Variants in CAMTA1 observed in about 807,000 individuals in gnomAD.
CAMTA1 encodes the protein calmodulin-binding transcription activator 1.
Under a neutral mutation model 170.9 loss-of-function variants are expected in CAMTA1, and 27 were observed. The observed-to-expected ratio is 0.16, with a 90% CI of 0.12 to 0.22. CAMTA1 has a LOEUF of 0.22. CAMTA1 is among the 10% of genes least tolerant of loss of function. The probability of loss-of-function intolerance (pLI) is 1.00; values close to 1 mark genes in which losing one functional copy is unlikely to be tolerated. For synonymous variants in CAMTA1, 833 were observed against 891.5 expected, an observed-to-expected ratio of 0.93 and a Z score of 1.17; for missense variants, 1,619 against 2,217.2, an observed-to-expected ratio of 0.73 and a Z score of 5.42.
At chr1:6,932,898 C>T (rs1183685258) in intron 3 of CAMTA1, among the ~76,000 whole-genome samples, 1 of 152,082 alleles carries the variant, frequency 6.6e-6, no homozygotes, top group Non-Finnish European at 1.5e-5. Flanking sequence ...AGTTCTTTAT[C>T]AGATATATGC....
At chr1:7,179,951 G>C (rs865821621) in intron 4 of CAMTA1, among the ~76,000 whole-genome samples, 8 of 152,120 alleles carry the variant, frequency 5.3e-5, no homozygotes, top group Non-Finnish European at 1.5e-5. Context: ...CTAAATATGG[G>C]TTTTTAAAAC....
chr1:7,318,121 G>A (rs1415030019), intron 5 of CAMTA1, among the ~76,000 whole-genome samples: 1 of 152,228 alleles, frequency 6.6e-6, no homozygotes, highest in African/African-American at 2.4e-5. Context: ...TGCAGAAGCA[G>A]GGAGGCCCCA....
intron 11 of CAMTA1, among the ~76,000 whole-genome samples, chr1:7,690,232 C>T (rs1298593983): frequency 1.3e-5 from 2 of 152,210 alleles, no homozygotes; most frequent in African/African-American, 2.4e-5. Flanking sequence ...GTTTCTTTGG[C>T]GAGGTCAAGT....
chr1:7,006,738 A>G (rs1003510064), intron 3 of CAMTA1, among the ~76,000 whole-genome samples: 1 of 151,968 alleles, frequency 6.6e-6, no homozygotes, highest in Admixed American at 6.5e-5. Flanking sequence ...GCTCACCCCA[A>G]CCCAGAGCCT....
At chr1:7,184,442 T>G (rs561193890) in intron 4 of CAMTA1, among the ~76,000 whole-genome samples, 2 of 152,286 alleles carry the variant, frequency 1.3e-5, no homozygotes, top group Non-Finnish European at 2.9e-5. Flanking sequence ...GATGTGATTT[T>G]TACACATTGC....
intron 3 of CAMTA1, among the ~76,000 whole-genome samples, chr1:6,834,018 C>G (rs796912523): frequency 2.1e-4 from 32 of 152,226 alleles, no homozygotes; most frequent in African/African-American, 6.0e-4. Context: ...CTTGGCCTCT[C>G]TTGGGTCTTA....
chr1:6,812,936 A>G (rs766050483), intron 1 of CAMTA1, among the ~76,000 whole-genome samples: 2 of 152,128 alleles, frequency 1.3e-5, no homozygotes, highest in Non-Finnish European at 2.9e-5. Flanking sequence ...AGAGCCTAAA[A>G]TGGTTTGTGC....
At chr1:7,583,342 A>G (rs2095278284) in intron 6 of CAMTA1, among the ~76,000 whole-genome samples, 1 of 152,100 alleles carries the variant, frequency 6.6e-6, no homozygotes, top group African/African-American at 2.4e-5. Context: ...GATGGGAAGT[A>G]AGGCAGCCTG....
rs1268433510 is a variant in CAMTA1, at chr1:7,547,399, C to T, written c.510+79498C>T. Among the ~76,000 whole-genome samples the T allele has an allele frequency of 1.3e-5, 2 of 150,736 alleles. No individual in the cohort carries two copies. Among genetic ancestry groups the T allele is most frequent in the South Asian group, 2.1e-4 (1 of 4,770 alleles). On this transcript the variant is annotated intron_variant, in intron 6 of 22. Coordinates refer to ENST00000303635, the MANE Select transcript of CAMTA1 (RefSeq NM_015215.4). This position sits in a 1 kb window ranked among gnomAD's most constrained non-coding sequence, Gnocchi z 5.7. ...ACACACACACACACACAGAGTTGGC[C>T]TTCCACATTCATGAGTTTCGCATCC... is the stretch of plus-strand genomic sequence containing the variant.
At chr1:7,341,370 C>T (rs1424632830) in intron 5 of CAMTA1, among the ~76,000 whole-genome samples, 4 of 152,248 alleles carry the variant, frequency 2.6e-5, no homozygotes, top group African/African-American at 9.6e-5. Flanking sequence ...CCAGCCTGTG[C>T]AGCCTGAGAA....
intron 2 of CAMTA1, among the ~76,000 whole-genome samples, chr1:6,823,532 A>G (rs910732012): frequency 6.6e-6 from 1 of 152,196 alleles, no homozygotes; most frequent in Non-Finnish European, 1.5e-5. Context: ...TATGTAGTTC[A>G]TGGACCAAAA....
chr1:7,083,381 T>G (rs1314938803), intron 3 of CAMTA1, among the ~76,000 whole-genome samples: 2 of 152,236 alleles, frequency 1.3e-5, no homozygotes, highest in Non-Finnish European at 2.9e-5. Context: ...TGCTAACAGT[T>G]GATGGCAAGA....
chr1:7,541,684 G>A (rs1397886742), intron 6 of CAMTA1, among the ~76,000 whole-genome samples: 1 of 152,140 alleles, frequency 6.6e-6, no homozygotes, highest in East Asian at 1.9e-4. Flanking sequence ...GAAGTTACAC[G>A]GGCGCGTTCC....
rs967907468 is a variant in CAMTA1 at position 7,641,157 on chromosome 1, C to T, written c.664+604C>T. On this transcript the variant is annotated intron_variant, in intron 7 of 22. Transcript: ENST00000303635. This position sits in a 1 kb window ranked among gnomAD's most constrained non-coding sequence, Gnocchi z 4.5. ...CTGGGGCTGCTCCGTACTTTGTTGC[C>T]GTGGCCACAGCTCCCGGCAGCCGCT... is the stretch of plus-strand genomic sequence containing the variant. 6.6e-6 allele frequency among the ~76,000 whole-genome samples: 1 copy of T among 152,238 alleles called. No homozygotes were observed. Among genetic ancestry groups the T allele is most frequent in the Non-Finnish European group, 1.5e-5 (1 of 68,036 alleles).
At chr1:7,239,968 G>C (rs1030039402) in intron 4 of CAMTA1, among the ~76,000 whole-genome samples, 4 of 152,196 alleles carry the variant, frequency 2.6e-5, no homozygotes, top group Middle Eastern at 3.4e-3. Flanking sequence ...AGGTAATGAC[G>C]TTAATCCATT....
At chr1:7,156,684 G>A (rs560096876) in intron 4 of CAMTA1, among the ~76,000 whole-genome samples, 2 of 152,362 alleles carry the variant, frequency 1.3e-5, no homozygotes, top group South Asian at 2.1e-4. Flanking sequence ...GATTTCAGAA[G>A]TATCTGTAGC....
At chr1:7,015,653 C>T (rs1207203381) in intron 3 of CAMTA1, among the ~76,000 whole-genome samples, 3 of 152,208 alleles carry the variant, frequency 2.0e-5, no homozygotes, top group Non-Finnish European at 4.4e-5. Flanking sequence ...GCAGTGTATT[C>T]GTCTGTTTTC....
chr1:6,980,026 C>T lies in CAMTA1; in HGVS notation c.235-111278C>T, dbSNP rs1273207342. ...CCATCCCACCTGTTCCTCTGTTATTCAAGTCCTTAAAATCTCACTATTGAG... is the reference window on the plus strand; with the variant it reads ...CCATCCCACCTGTTCCTCTGTTATTTAAGTCCTTAAAATCTCACTATTGAG... On this transcript the variant is annotated intron_variant, in intron 3 of 22. Transcript: ENST00000303635. Among the ~76,000 whole-genome samples the T allele has an allele frequency of 2.6e-5, 4 of 152,188 alleles. No homozygotes were observed. The East Asian group carries it at 7.7e-4, about 29-fold the overall frequency.
intron 3 of CAMTA1, among the ~76,000 whole-genome samples, chr1:7,015,131 C>T (rs1363483850): frequency 3.3e-5 from 5 of 152,166 alleles, no homozygotes; most frequent in Non-Finnish European, 1.5e-5. Flanking sequence ...TTGGAATTTT[C>T]AAGACCTCCA....
Sources: allele counts gnomAD v4.1 joint callset (sites outside exome capture counted in the v4.1 genomes callset), GRCh38; gene constraint gnomAD v4.1.1; non-coding constraint Gnocchi (gnomAD v3.1); transcripts MANE v1.5; gene names NCBI Gene and HGNC (gene_info 2026-07-23, HGNC 2026-07-21).